SLC41A2: variants seen among roughly 807,000 people sequenced by gnomAD.
The protein encoded by SLC41A2 is SLC41A1-like 1.
A neutral mutation model predicts 58.3 loss-of-function variants in SLC41A2; 32 were observed. The ratio of observed to expected loss-of-function variants is 0.55; its 90% confidence interval spans 0.41 to 0.74. The LOEUF (loss-of-function observed/expected upper bound fraction) is 0.74. Among genes scored for constraint, SLC41A2 ranks in the 30% least tolerant of loss-of-function variants. The pLI is 0.00. For synonymous variants in SLC41A2, 190 were observed against 235.0 expected (o/e 0.81, Z 1.75); for missense variants, 514 against 680.6 (o/e 0.76, Z 2.72).
chr12:104,936,703 C>T (rs182840589), intron 1 of SLC41A2, among the ~76,000 whole-genome samples: 1 of 152,252 alleles, frequency 6.6e-6, no homozygotes, highest in African/African-American at 2.4e-5. Context: ...CCTCCCACAA[C>T]ATGTGGGAAT....
intron 1 of SLC41A2, among the ~76,000 whole-genome samples, chr12:104,944,267 T>C (rs2047624986): frequency 6.6e-6 from 1 of 152,148 alleles, no homozygotes; most frequent in South Asian, 2.1e-4. Context: ...TTACCTCCCA[T>C]TAGATTATGA....
intron 10 of SLC41A2, among the ~76,000 whole-genome samples, chr12:104,809,177 T>G (rs1199946087): frequency 6.6e-6 from 1 of 152,152 alleles, no homozygotes; most frequent in Non-Finnish European, 1.5e-5. Flanking sequence ...CAATAAACTT[T>G]CAATAAATGT....
At chr12:104,842,242 T>C (rs2042437656) in intron 10 of SLC41A2, among the ~76,000 whole-genome samples, 3 of 152,078 alleles carry the variant, frequency 2.0e-5, no homozygotes, top group Admixed American at 2.0e-4. Flanking sequence ...TGCATGTGCT[T>C]ATGTGTATGC....
Position 104,804,129 on chromosome 12 carries a change from C to A in SLC41A2, c.*1023G>T. Reference sequence around the variant, plus strand: ...CTGCATTCCAGCCTGGGCGACAGAGCAAGACTCTGTCTCAAAAAAAAAAAA... The same window carrying A: ...CTGCATTCCAGCCTGGGCGACAGAGAAAGACTCTGTCTCAAAAAAAAAAAA... On this transcript the variant is annotated 3_prime_UTR_variant, in exon 11 of 11. Transcript: ENST00000258538. 2.1e-5 allele frequency: 2 copies of A among 93,198 alleles called. No individual in the cohort carries two copies. The highest frequency in any genetic ancestry group is 4.5e-5 in the African/African-American group (1 of 22,350). 5.8% of individuals were successfully genotyped at this position (93,198 alleles called of 1,614,324 possible).
rs751955964 is a variant in SLC41A2, at chr12:104,861,325, C to G, written c.1221G>C (p.Leu407Phe). The change falls in exon 8 of 11, where the codon TTG (leucine) becomes TTC (phenylalanine). Residue 407 changes from leucine (L) to phenylalanine (F), a missense_variant. This residue lies in a region of SLC41A2 where 50 missense variants were observed against 104.5 expected (regional missense o/e 0.48). Transcript: ENST00000258538. ...CTGGCGTGTAAACAACAATCCCAAC[C>G]AAGTTTGGGTCTGATACAGTTGTGT... ...ILDTTVSDPNLVGIVVYTPVI... is the reference protein window; with the variant it reads ...ILDTTVSDPNFVGIVVYTPVI... The G allele has an allele frequency of 2.5e-5, 41 of 1,613,282 alleles. No homozygotes were observed. Among genetic ancestry groups the G allele is most frequent in the Admixed American group, 3.3e-5 (2 of 59,912 alleles).
At chr12:104,935,871 T>C (rs948469891) in intron 1 of SLC41A2, among the ~76,000 whole-genome samples, 32 of 152,076 alleles carry the variant, frequency 2.1e-4, no homozygotes, top group African/African-American at 7.0e-4. Flanking sequence ...GGCGAAACCC[T>C]GTCTCTAGTA....
intron 2 of SLC41A2, among the ~76,000 whole-genome samples, chr12:104,912,374 C>G (rs982865197): frequency 8.5e-5 from 13 of 152,160 alleles, no homozygotes; most frequent in African/African-American, 3.1e-4. Flanking sequence ...CCCACACAAA[C>G]ACCTTTGGGG....
intron 3 of SLC41A2, among the ~76,000 whole-genome samples, chr12:104,904,628 T>A (rs1593112020): frequency 6.6e-6 from 1 of 151,314 alleles, no homozygotes; most frequent in East Asian, 1.9e-4. Flanking sequence ...GCGTCTGGAG[T>A]CTGTCCCTTC....
intron 10 of SLC41A2, among the ~76,000 whole-genome samples, chr12:104,816,526 G>C (rs2041411386): frequency 6.6e-6 from 1 of 152,150 alleles, no homozygotes; most frequent in Non-Finnish European, 1.5e-5. Flanking sequence ...TCCTCTGCTG[G>C]TTTTGATGGT....
In SLC41A2 at chr12:104,874,235, G is replaced by A. The variant is rs61274096; in HGVS notation, c.1028-7656C>T. 8.6e-3 allele frequency among the ~76,000 whole-genome samples: 1,304 copies of A among 151,826 alleles called. 17 individuals are homozygous for A. Among genetic ancestry groups the A allele is most frequent in the African/African-American group, 0.029 (1,198 of 41,410 alleles). On this transcript the variant is annotated intron_variant, in intron 6 of 10. Coordinates refer to ENST00000258538, the MANE Select transcript of SLC41A2 (RefSeq NM_001352171.3). ...ACTACAGGCGCCTGCCACCCTGCCC[G>A]GGTAATTTTTTTGTATTTTTAGTAA...
chr12:104,817,675 T>C (rs2041469048), intron 10 of SLC41A2, among the ~76,000 whole-genome samples: 1 of 151,886 alleles, frequency 6.6e-6, no homozygotes, highest in Non-Finnish European at 1.5e-5. Flanking sequence ...AACAGTTGTT[T>C]ACTATCATTA....
intron 10 of SLC41A2, among the ~76,000 whole-genome samples, chr12:104,834,354 C>A (rs1329682397): frequency 1.3e-5 from 2 of 152,094 alleles, no homozygotes; most frequent in African/African-American, 4.8e-5. Context: ...GCATATTGAT[C>A]AACTCCAAAA....
intron 10 of SLC41A2, among the ~76,000 whole-genome samples, chr12:104,824,623 T>C (rs148951583): frequency 1.1e-3 from 168 of 152,260 alleles, no homozygotes; most frequent in African/African-American, 3.7e-3. Flanking sequence ...AGGAGTCTAA[T>C]TGAGCTAGCA....
At chr12:104,880,010 AG>A (rs1420437734) in intron 6 of SLC41A2, among the ~76,000 whole-genome samples, 6 of 151,974 alleles carry the variant, frequency 3.9e-5, no homozygotes, top group Non-Finnish European at 7.4e-5. Flanking sequence ...TTGGATTCCT[AG>A]GTATTTTATT....
intron 10 of SLC41A2, among the ~76,000 whole-genome samples, chr12:104,821,868 T>C (rs2041651001): frequency 6.6e-6 from 1 of 152,220 alleles, no homozygotes; most frequent in African/African-American, 2.4e-5. Context: ...TTATTCTTTA[T>C]ACCTTATACA....
rs149360696 is a variant in SLC41A2 at position 104,854,521 on chromosome 12, C to A, written c.1255+6770G>T. On this transcript the variant is annotated intron_variant, in intron 8 of 10. Coordinates refer to ENST00000258538, the MANE Select transcript of SLC41A2 (RefSeq NM_001352171.3). ...GAGCTTGCAGTGAGCCGAGATCGCGCCACTGCAGTCCAGCCTGGGCGAAAG... is the reference window on the plus strand; with the variant it reads ...GAGCTTGCAGTGAGCCGAGATCGCGACACTGCAGTCCAGCCTGGGCGAAAG... Among the ~76,000 whole-genome samples the A allele has an allele frequency of 2.2e-3, 335 of 151,302 alleles. 1 individual carries two copies. The East Asian group carries it at 0.032, about 14-fold the overall frequency.
At chr12:104,912,548 A>G (rs10746008) in intron 2 of SLC41A2, among the ~76,000 whole-genome samples, 108,078 of 152,114 alleles carry the variant, frequency 0.71, 39,045 homozygotes, top group African/African-American at 0.84. Context: ...CAGGGAGGGC[A>G]TGAAAGCTCC....
chr12:104,948,702 C>T (rs972206095), intron 1 of SLC41A2, among the ~76,000 whole-genome samples: 20 of 152,280 alleles, frequency 1.3e-4, no homozygotes, highest in African/African-American at 4.1e-4. Context: ...TCCTCTGGCG[C>T]CAGTGTACAC....
At chr12:104,846,100 A>G (rs945138338) in intron 8 of SLC41A2, 126 bp from the exon 9 acceptor site, 17 of 887,638 alleles carry the variant, frequency 1.9e-5, no homozygotes, top group Admixed American at 5.6e-5. Context: ...GTTCTTCTGA[A>G]ATGTTGATCT....
Sources: allele counts gnomAD v4.1 joint callset (sites outside exome capture counted in the v4.1 genomes callset), GRCh38; gene constraint gnomAD v4.1.1; regional missense constraint gnomAD v4.1.1; transcripts MANE v1.5; gene names NCBI Gene and HGNC (gene_info 2026-07-23, HGNC 2026-07-21).